CDH4: variants seen among roughly 807,000 people sequenced by gnomAD.
CDH4 encodes the protein cadherin 4.
Under a neutral mutation model 86.0 loss-of-function variants are expected in CDH4, and 33 were observed. The ratio of observed to expected loss-of-function variants is 0.38; its 90% CI spans 0.29 to 0.51. The LOEUF is 0.51. Among genes scored for constraint, CDH4 ranks in the 20% least tolerant of loss-of-function variants. CDH4 has a pLI of 0.86. For synonymous variants in CDH4, 555 were observed against 549.4 expected, an observed-to-expected ratio of 1.01 and a Z score of -0.14; for missense variants, 1,114 against 1,307.4, an observed-to-expected ratio of 0.85 and a Z score of 2.28.
At chr20:61,560,836 A>G (rs539637408) in intron 2 of CDH4, among the ~76,000 whole-genome samples, 1 of 152,238 alleles carries the variant, frequency 6.6e-6, no homozygotes, top group African/African-American at 2.4e-5. Flanking sequence ...TCGCAGCGGG[A>G]GCTCTGGACC....
chr20:61,656,776 A>C (rs2087196830), intron 2 of CDH4, among the ~76,000 whole-genome samples: 1 of 152,184 alleles, frequency 6.6e-6, no homozygotes, highest in African/African-American at 2.4e-5. Flanking sequence ...GCAGGGGTCC[A>C]TTCCTCCAGG....
intron 2 of CDH4, among the ~76,000 whole-genome samples, chr20:61,650,584 C>T (rs951860846): frequency 6.6e-6 from 1 of 152,164 alleles, no homozygotes; most frequent in Non-Finnish European, 1.5e-5. Context: ...GTATATCAGG[C>T]CCTGTGCACA....
chr20:61,260,430 T>A (rs2084122168), intron 2 of CDH4, among the ~76,000 whole-genome samples: 1 of 152,264 alleles, frequency 6.6e-6, no homozygotes, highest in South Asian at 2.1e-4. Context: ...AACTCTTTGC[T>A]GGATCTCATA....
intron 2 of CDH4, among the ~76,000 whole-genome samples, chr20:61,672,604 C>T (rs2892241): frequency 0.56 from 84,344 of 151,488 alleles, 23,640 homozygotes; most frequent in South Asian, 0.58. Context: ...TGCCCATAGT[C>T]AGGACAACAC....
chr20:61,805,704 A>G (rs1471349190), intron 4 of CDH4, among the ~76,000 whole-genome samples: 4 of 152,212 alleles, frequency 2.6e-5, no homozygotes, highest in African/African-American at 9.6e-5. Flanking sequence ...AGGGCAGTGT[A>G]TTGGGAGATG....
In CDH4 at chr20:61,565,214, T is replaced by TTGGTGATGGTGGTGGTGGTGGTGGTGG. The variant is rs1568688420; in HGVS notation, c.170-178349_170-178348insTGGTGATGGTGGTGGTGGTGGTGGTGG. On this transcript the variant is annotated intron_variant, in intron 2 of 15. Coordinates refer to ENST00000614565, the MANE Select transcript of CDH4 (RefSeq NM_001794.5). ...CCTCTTGGTGGTGGTCGCGGTGCTC[T>TTGGTGATGGTGGTGGTGGTGGTGGTGG]CGGTGGTAGGTGGTGGTGGTGGTGG... 1.1e-3 allele frequency among the ~76,000 whole-genome samples: 33 copies of TTGGTGATGGTGGTGGTGGTGGTGGTGG among 31,294 alleles called. 4 individuals carry two copies. The highest frequency in any genetic ancestry group is 1.3e-3 in the Non-Finnish European group (23 of 17,190). 20.5% of individuals were successfully genotyped at this position (31,294 alleles called of 152,430 possible). A position where few individuals can be genotyped will look rare whatever the true frequency, so the allele number is the denominator to read the frequency against.
At chr20:61,312,426 G>A (rs950124988) in intron 2 of CDH4, among the ~76,000 whole-genome samples, 2 of 151,728 alleles carry the variant, frequency 1.3e-5, no homozygotes, top group Non-Finnish European at 2.9e-5. Flanking sequence ...GCATGTGTGA[G>A]TGTGTGCGCC....
chr20:61,793,871 G>C (rs73611576), intron 4 of CDH4, among the ~76,000 whole-genome samples: 1 of 147,822 alleles, frequency 6.8e-6, no homozygotes, highest in South Asian at 2.2e-4. Flanking sequence ...AGGTACGGTG[G>C]CTCACTCCTG....
intron 11 of CDH4, among the ~76,000 whole-genome samples, chr20:61,926,491 C>T (rs944877717): frequency 3.9e-5 from 6 of 152,188 alleles, no homozygotes; most frequent in African/African-American, 1.4e-4. Flanking sequence ...GTGCAGCTGC[C>T]TGTGAGCCCA....
chr20:61,397,289 G>A (rs986241130), intron 2 of CDH4, among the ~76,000 whole-genome samples: 2 of 152,092 alleles, frequency 1.3e-5, no homozygotes, highest in Non-Finnish European at 2.9e-5. Context: ...AGTTTCTTGC[G>A]ACGAATGGAG....
At chr20:61,660,087 C>A (rs992163668) in intron 2 of CDH4, among the ~76,000 whole-genome samples, 3 of 152,220 alleles carry the variant, frequency 2.0e-5, no homozygotes, top group Admixed American at 1.3e-4. Flanking sequence ...GGTCTTCCAC[C>A]CCGGAGCTAA....
chr20:61,255,203 CAGAG>C (rs1441274891), intron 2 of CDH4, among the ~76,000 whole-genome samples: 1 of 152,210 alleles, frequency 6.6e-6, no homozygotes, highest in East Asian at 1.9e-4. Context: ...AAATAGTGTG[CAGAG>C]AGAGACCTTC....
chr20:61,396,903 A>G (rs1442403276), intron 2 of CDH4, among the ~76,000 whole-genome samples: 2 of 152,168 alleles, frequency 1.3e-5, no homozygotes, highest in African/African-American at 4.8e-5. Context: ...TGTAAACAGT[A>G]TCTTGATAAA....
chr20:61,625,593 C>T (rs2086823580), intron 2 of CDH4, among the ~76,000 whole-genome samples: 1 of 152,120 alleles, frequency 6.6e-6, no homozygotes, highest in Admixed American at 6.5e-5. Context: ...GCAGCGAAAA[C>T]AACATGATTT....
chr20:61,393,043 C>T lies in CDH4; in HGVS notation c.169+138106C>T, dbSNP rs989347492. ...GTGAGGACAGAGCAGCTGCGGGGCCCCTCGGTGATCAGGGCCGTTTATTTT... is the reference window on the plus strand; with the variant it reads ...GTGAGGACAGAGCAGCTGCGGGGCCTCTCGGTGATCAGGGCCGTTTATTTT... On this transcript the variant is annotated intron_variant, in intron 2 of 15. Transcript: ENST00000614565. This position sits in a 1 kb window ranked among gnomAD's most constrained non-coding sequence, Gnocchi z 4.3. Among the ~76,000 whole-genome samples, 1 of 152,134 alleles carries T rather than the reference C, an allele frequency of 6.6e-6. No homozygotes were observed. Among genetic ancestry groups the T allele is most frequent in the Non-Finnish European group, 1.5e-5 (1 of 68,034 alleles).
intron 2 of CDH4, among the ~76,000 whole-genome samples, chr20:61,651,906 G>C (rs1198590611): frequency 6.6e-6 from 1 of 152,212 alleles, no homozygotes; most frequent in Non-Finnish European, 1.5e-5. Flanking sequence ...CCCAGCTCTG[G>C]GGTGGAAGGG....
intron 4 of CDH4, among the ~76,000 whole-genome samples, chr20:61,825,981 G>A (rs929817118): frequency 2.6e-5 from 4 of 152,078 alleles, no homozygotes; most frequent in Non-Finnish European, 4.4e-5. Context: ...AGAATAGGCC[G>A]CCTCTCCCAC....
chr20:61,656,632 C>T (rs1455467233), intron 2 of CDH4, among the ~76,000 whole-genome samples: 1 of 152,172 alleles, frequency 6.6e-6, no homozygotes, highest in African/African-American at 2.4e-5. Flanking sequence ...GCTCCACAGC[C>T]ACTCTCCTGG....
At chr20:61,758,776 C>T (rs887419348) in intron 3 of CDH4, among the ~76,000 whole-genome samples, 2 of 152,214 alleles carry the variant, frequency 1.3e-5, no homozygotes, top group Admixed American at 6.5e-5. Flanking sequence ...CTGCCCGCCT[C>T]CCCTGCAGGC....
Sources: gnomAD v4.1 joint callset for allele counts (sites outside exome capture counted in the v4.1 genomes callset) on GRCh38, gnomAD v4.1.1 for gene constraint, Gnocchi (gnomAD v3.1) non-coding constraint, MANE v1.5 for transcripts, NCBI Gene and HGNC (gene_info 2026-07-23, HGNC 2026-07-21) for gene names.